The following PTPRG variants were observed in gnomAD, a reference collection of about 807,000 sequenced individuals.
The protein encoded by PTPRG is receptor-type tyrosine-protein phosphatase gamma.
In PTPRG, 102 loss-of-function variants were observed where a neutral mutation model predicts 165.3. The observed-to-expected ratio is 0.62, with a 90% CI of 0.53 to 0.73. The LOEUF is 0.73. PTPRG is among the 30% of genes least tolerant of loss of function. The pLI is 0.00. For missense variants in PTPRG, 1,866 were observed against 1,861.4 expected (o/e 1.00, Z -0.05); for synonymous variants, 675 against 669.5 (o/e 1.01, Z -0.13).
intron 1 of PTPRG, among the ~76,000 whole-genome samples, chr3:61,583,070 T>TG (rs1700342579): frequency 6.6e-6 from 1 of 152,214 alleles, no homozygotes; most frequent in African/African-American, 2.4e-5. Flanking sequence ...ATGAGGCAAA[T>TG]GGGCTTATTC....
intron 2 of PTPRG, among the ~76,000 whole-genome samples, chr3:61,855,667 T>A (rs2037083697): frequency 6.8e-6 from 1 of 147,126 alleles, no homozygotes; most frequent in Admixed American, 6.7e-5. Flanking sequence ...TTTTTTTTTT[T>A]TTTTAAAAGC....
chr3:62,006,668 C>T (rs1356511133), intron 4 of PTPRG, among the ~76,000 whole-genome samples: 2 of 152,098 alleles, frequency 1.3e-5, no homozygotes, highest in Non-Finnish European at 2.9e-5. Flanking sequence ...AGCTATGGTT[C>T]TGAGCTGGGG....
intron 2 of PTPRG, among the ~76,000 whole-genome samples, chr3:61,915,790 G>C (rs983925399): frequency 2.0e-5 from 3 of 152,168 alleles, no homozygotes; most frequent in Non-Finnish European, 4.4e-5. Flanking sequence ...TAAGATTGGT[G>C]TTTGCAAAGC....
chr3:61,677,997 T>G (rs1443901294), intron 1 of PTPRG, among the ~76,000 whole-genome samples: 1 of 152,140 alleles, frequency 6.6e-6, no homozygotes, highest in African/African-American at 2.4e-5. Context: ...ACACCACATT[T>G]GGTAACACAA....
chr3:61,980,622 T>G (rs551305107), intron 2 of PTPRG, among the ~76,000 whole-genome samples: 1 of 152,326 alleles, frequency 6.6e-6, no homozygotes. Context: ...ATGTTGGTCT[T>G]CTTAAACCAC....
At chr3:62,242,129 T>C (rs1432353105) in intron 14 of PTPRG, among the ~76,000 whole-genome samples, 1 of 152,234 alleles carries the variant, frequency 6.6e-6, no homozygotes. Flanking sequence ...TTGTTTCACA[T>C]AGATTTCCAT....
intron 28 of PTPRG, among the ~76,000 whole-genome samples, chr3:62,286,233 C>G (rs537276055): frequency 1.3e-5 from 2 of 152,254 alleles, no homozygotes; most frequent in African/African-American, 4.8e-5. Flanking sequence ...ACCCACAAAT[C>G]ATAACTAATT....
In PTPRG at chr3:62,295,960, G is replaced by T. The variant is rs895603231; in HGVS notation, c.*2653G>T. The stretch of plus-strand genomic sequence containing the variant: ...AGGTTATTAACACTTGCACTCAGGG[G>T]AAAGGAAATAGCTATTGCAAATTAA... On this transcript the variant is annotated 3_prime_UTR_variant, in exon 30 of 30. Coordinates refer to ENST00000474889, the MANE Select transcript of PTPRG (RefSeq NM_002841.4). 2.6e-5 allele frequency: 4 copies of T among 152,074 alleles called. No individual in the cohort carries two copies. The highest frequency in any genetic ancestry group is 5.9e-5 in the Non-Finnish European group (4 of 67,986). The allele number at this position is 152,074 out of a possible 1,614,324, so 9.4% of individuals were successfully genotyped here.
chr3:61,942,919 G>A (rs575428712), intron 2 of PTPRG, among the ~76,000 whole-genome samples: 1 of 152,148 alleles, frequency 6.6e-6, no homozygotes, highest in Non-Finnish European at 1.5e-5. Flanking sequence ...TCTAAGTATT[G>A]TATGCCAGTA....
chr3:61,797,852 T>C (rs770695320), intron 2 of PTPRG, among the ~76,000 whole-genome samples: 1 of 150,798 alleles, frequency 6.6e-6, no homozygotes, highest in Non-Finnish European at 1.5e-5. Flanking sequence ...ATTTTTAATG[T>C]CAAAAAGAAG....
At chr3:61,567,683 A>AAAAG (rs60314281) in intron 1 of PTPRG, among the ~76,000 whole-genome samples, 1 of 148,570 alleles carries the variant, frequency 6.7e-6, no homozygotes, top group Non-Finnish European at 1.5e-5. Context: ...AAAAAAAAAA[A>AAAAG]TTAAAAGATC....
In PTPRG at chr3:61,862,545, G is replaced by A. The variant is rs142714523; in HGVS notation, c.190+113563G>A. ...TGGGATTACAGGCATGCACCACCAC[G>A]CCCAGCACGCCCACTAATTTTGTAT... On this transcript the variant is annotated intron_variant, in intron 2 of 29. Coordinates refer to ENST00000474889, the MANE Select transcript of PTPRG (RefSeq NM_002841.4). 1.5e-3 allele frequency among the ~76,000 whole-genome samples: 226 copies of A among 151,970 alleles called. 2 individuals carry two copies. Among genetic ancestry groups the A allele is most frequent in the Non-Finnish European group, 2.5e-3 (168 of 67,954 alleles).
At chr3:61,808,384 G>A (rs1454559720) in intron 2 of PTPRG, among the ~76,000 whole-genome samples, 1 of 152,026 alleles carries the variant, frequency 6.6e-6, no homozygotes, top group Non-Finnish European at 1.5e-5. Context: ...TTTGTACGTG[G>A]CACTCACCCC....
intron 2 of PTPRG, among the ~76,000 whole-genome samples, chr3:61,785,319 A>G (rs1244244222): frequency 6.6e-6 from 1 of 152,234 alleles, no homozygotes; most frequent in Non-Finnish European, 1.5e-5. Context: ...TTTAGCACCT[A>G]TCTAGAAAAA....
intron 1 of PTPRG, among the ~76,000 whole-genome samples, chr3:61,674,872 T>C (rs959766607): frequency 6.6e-6 from 1 of 152,162 alleles, no homozygotes; most frequent in South Asian, 2.1e-4. Context: ...AACAATTATA[T>C]TCAAGAAATT....
chr3:62,220,654 G>A (rs990976350), intron 13 of PTPRG, among the ~76,000 whole-genome samples: 2 of 152,224 alleles, frequency 1.3e-5, no homozygotes, highest in South Asian at 2.1e-4. Flanking sequence ...GTGAGCATAG[G>A]AACACTAGAC....
chr3:62,094,429 G>A (rs2106806238), intron 5 of PTPRG, among the ~76,000 whole-genome samples: 1 of 151,856 alleles, frequency 6.6e-6, no homozygotes, highest in African/African-American at 2.4e-5. Context: ...CACTTCTTCT[G>A]CAGGTCGCTC....
rs746181590 is a variant in PTPRG, at chr3:61,623,559, G to C, written c.85+61187G>C. Among the ~76,000 whole-genome samples the C allele has an allele frequency of 1.4e-4, 21 of 152,168 alleles. 1 individual carries two copies. Among genetic ancestry groups the C allele is most frequent in the Non-Finnish European group, 2.5e-4 (17 of 68,032 alleles). On this transcript the variant is annotated intron_variant, in intron 1 of 29. Coordinates refer to ENST00000474889, the MANE Select transcript of PTPRG (RefSeq NM_002841.4). ...GAATGAATGACTTGTTCAGGAGGTA[G>C]GTATAGCTTGGGGTTACACCTGGTT...
At chr3:61,582,050 C>G (rs9851889) in intron 1 of PTPRG, among the ~76,000 whole-genome samples, 2 of 151,958 alleles carry the variant, frequency 1.3e-5, no homozygotes, top group Non-Finnish European at 2.9e-5. Context: ...TCATTGCAAC[C>G]TCCCCCTACT....
Sources: allele counts gnomAD v4.1 joint callset (sites outside exome capture counted in the v4.1 genomes callset), GRCh38; gene constraint gnomAD v4.1.1; transcripts MANE v1.5; gene names NCBI Gene and HGNC (gene_info 2026-07-23, HGNC 2026-07-21).